The following TCOF1 variants were observed in gnomAD, a reference collection of about 807,000 sequenced individuals.
TCOF1 encodes the protein treacle protein.
A neutral mutation model predicts 149.0 loss-of-function variants in TCOF1; 33 were observed. That is an observed-to-expected ratio of 0.22 (90% CI 0.17 to 0.30). TCOF1 has a LOEUF of 0.30. TCOF1 is among the 10% of genes least tolerant of loss of function. The pLI is 1.00. For missense variants in TCOF1, 1,728 were observed against 1,840.7 expected, an observed-to-expected ratio of 0.94 and a Z score of 1.12; for synonymous variants, 789 against 738.8, an observed-to-expected ratio of 1.07 and a Z score of -1.10.
At position 150,379,309 on chromosome 5, in the gene TCOF1, C is replaced by G; in HGVS notation, c.2559C>G (p.Ala853=). ...CATCTGTGCCATCTGTGGGGAAGGC[C>G]GTGGCTACAGCAGCTCAGGCCCAGA... is the stretch of plus-strand genomic sequence containing the variant. ...GPASVPSVGK[A]VATAAQAQTG... is the part of the protein sequence containing the mutation. Residue 853 remains alanine (A), a synonymous_variant, in exon 16 of 27, where the codon GCC becomes GCG. Transcript: ENST00000643257. 1.9e-6 allele frequency: 3 copies of G among 1,614,194 alleles called. No homozygotes were observed. Among genetic ancestry groups the G allele is most frequent in the Non-Finnish European group, 2.5e-6 (3 of 1,180,046 alleles).
chr5:150,384,472 ACT>A (rs1400179943), intron 17 of TCOF1: 2 of 984,556 alleles, frequency 2.0e-6, no homozygotes, highest in Non-Finnish European at 2.4e-6. Flanking sequence ...CTGCCCCGAC[ACT>A]CTCCTCTCCT....
rs1257025013 is a variant in TCOF1 at position 150,374,268 on chromosome 5, A to G, written c.965A>G (p.Lys322Arg). 2 of 1,604,544 alleles carry G rather than the reference A, an allele frequency of 1.2e-6. No individual in the cohort carries two copies. The highest frequency in any genetic ancestry group is 8.5e-7 in the Non-Finnish European group (1 of 1,175,280). Reference sequence around the variant, plus strand: ...GGGGCTACCCCAGCACCCCCTGGGAAGGCAGGGGCTGTAGCCTCCCAGACC... The same window carrying G: ...GGGGCTACCCCAGCACCCCCTGGGAGGGCAGGGGCTGTAGCCTCCCAGACC... ...GKGATPAPPGKAGAVASQTKA... is the reference protein window; with the variant it reads ...GKGATPAPPGRAGAVASQTKA... The change falls in exon 8 of 27, where the codon AAG becomes AGG. Residue 322 changes from lysine to arginine, a missense_variant. Lys to Arg is a conservative substitution (Grantham distance 26). Coordinates refer to ENST00000643257, the MANE Select transcript of TCOF1 (RefSeq NM_001371623.1).
intron 4 of TCOF1, 72 bp from the exon 5 acceptor site, chr5:150,368,644 C>T (rs372945305): frequency 6.4e-7 from 1 of 1,566,322 alleles, no homozygotes. Flanking sequence ...AGATTGGGTT[C>T]AGATGCAAGT....
intron 15 of TCOF1, 50 bp downstream of exon 15, chr5:150,379,092 G>A: frequency 1.2e-6 from 2 of 1,613,842 alleles, no homozygotes; most frequent in Non-Finnish European, 1.7e-6. Flanking sequence ...GGGTAGAGAG[G>A]AGGACCAGTC....
chr5:150,384,180 C>G, intron 17 of TCOF1: 1 of 1,026,422 alleles, frequency 9.7e-7, no homozygotes, highest in South Asian at 4.3e-5. Flanking sequence ...TTGCACACCT[C>G]CAGCAATAGG....
chr5:150,360,327 C>T (rs534984444), intron 1 of TCOF1, among the ~76,000 whole-genome samples: 108 of 152,346 alleles, frequency 7.1e-4, no homozygotes, highest in Middle Eastern at 3.4e-3. Flanking sequence ...GGCCTCTGCT[C>T]CAAAGGCCTG....
rs1188694708 is a variant in TCOF1, at chr5:150,361,181, C to A, written c.134C>A (p.Thr45Asn). ...AAGTGTTTCCTGGCTCAGCCCGTAACCCTTCTGGACATCTATACACACTGG... is the reference window on the plus strand; with the variant it reads ...AAGTGTTTCCTGGCTCAGCCCGTAAACCTTCTGGACATCTATACACACTGG... ...GQKCFLAQPV[T>N]LLDIYTHWQQ... Residue 45 changes from threonine (T) to asparagine (N), a missense_variant, in exon 2 of 27, where the codon ACC (threonine) becomes AAC (asparagine). Coordinates refer to ENST00000643257, the MANE Select transcript of TCOF1 (RefSeq NM_001371623.1). The A allele has an allele frequency of 1.1e-5, 18 of 1,614,048 alleles. No homozygotes were observed. Among genetic ancestry groups the A allele is most frequent in the Non-Finnish European group, 1.5e-5 (18 of 1,180,028 alleles).
rs757466051 is a variant in TCOF1, at chr5:150,396,400, G to A, written c.3903G>A (p.Leu1301=). The change falls in exon 24 of 27, where the codon CTG becomes CTA. Residue 1301 remains leucine (L), a synonymous_variant. Coordinates refer to ENST00000643257, the MANE Select transcript of TCOF1 (RefSeq NM_001371623.1). ...ALQSNITQCL[L]GQPWPLNEAQ... ...AAAGCAACATCACCCAGTGCCTCCTGGGCCAACCCTGGCCCCTGAATGAGG... is the reference window on the plus strand; with the variant it reads ...AAAGCAACATCACCCAGTGCCTCCTAGGCCAACCCTGGCCCCTGAATGAGG... 4 of 1,614,026 alleles carry A rather than the reference G, an allele frequency of 2.5e-6. No homozygotes were observed. The highest frequency in any genetic ancestry group is 1.1e-5 in the South Asian group (1 of 91,086).
chr5:150,392,906 C>CCTT, intron 22 of TCOF1, 116 bp downstream of exon 22: 1 of 1,291,546 alleles, frequency 7.7e-7, no homozygotes, highest in Non-Finnish European at 1.1e-6. Context: ...TTCACAGAGG[C>CCTT]CTTGGGCAAG....
chr5:150,380,180 C>T (rs892013596), intron 17 of TCOF1: 10 of 212,608 alleles, frequency 4.7e-5, no homozygotes, highest in Non-Finnish European at 9.7e-5. Context: ...TCCACCATGC[C>T]CTCCTCCGTC....
Position 150,396,605 on chromosome 5 carries a change from G to A in TCOF1, c.4108G>A (p.Ala1370Thr). ...GAGCAAGAAGAAGAAGAAGCTGGGG[G>A]CCGGGGAAGGTGGGGAGGCCTCTGT... The part of the protein sequence containing the change: ...PRSKKKKKLG[A>T]GEGGEASVSP... Residue 1370 changes from alanine to threonine, a missense_variant, in exon 24 of 27, where the codon GCC becomes ACC. Ala to Thr is a moderately conservative substitution (Grantham distance 58). Transcript: ENST00000643257. 6.3e-7 allele frequency: 1 copy of A among 1,586,348 alleles called. No homozygotes were observed. Among genetic ancestry groups the A allele is most frequent in the South Asian group, 1.1e-5 (1 of 88,292 alleles).
chr5:150,380,999 G>A (rs1319878665), intron 17 of TCOF1: 1 of 152,214 alleles, frequency 6.6e-6, no homozygotes, highest in African/African-American at 2.4e-5. Context: ...GGGCAACAGA[G>A]TGAGACTCTG....
intron 18 of TCOF1, among the ~76,000 whole-genome samples, chr5:150,389,346 A>G (rs114387866): frequency 0.02 from 3,061 of 152,230 alleles, 101 homozygotes; most frequent in African/African-American, 0.07. Context: ...GGTTTTTTTC[A>G]TCTTTACATA....
intron 7 of TCOF1, 103 bp from the exon 8 acceptor site, chr5:150,374,071 G>A (rs930693523): frequency 7.2e-6 from 9 of 1,258,166 alleles, no homozygotes; most frequent in Admixed American, 2.0e-5. Context: ...GGGAAGCAGG[G>A]GAGGTCTTAG....
chr5:150,379,837 C>A, intron 17 of TCOF1, 105 bp downstream of exon 17: 1 of 1,398,092 alleles, frequency 7.2e-7, no homozygotes. Context: ...TTTGGGAGGC[C>A]GAGGCAGATG....
intron 17 of TCOF1, among the ~76,000 whole-genome samples, chr5:150,385,819 GT>G (rs1011616720): frequency 6.6e-6 from 1 of 152,146 alleles, no homozygotes; most frequent in Non-Finnish European, 1.5e-5. Flanking sequence ...CTATAGGGAG[GT>G]ACAACCAAAT....
chr5:150,386,266 G>A (rs1437335145), intron 17 of TCOF1, among the ~76,000 whole-genome samples: 7 of 152,160 alleles, frequency 4.6e-5, no homozygotes, highest in East Asian at 1.9e-4. Flanking sequence ...ATCCCAAGAC[G>A]CTATTGTTTG....
At position 150,396,774 on chromosome 5, in the gene TCOF1, T is replaced by TGGGGAC; in HGVS notation, c.4280_4285dup (p.Gly1427_Thr1428dup). The TGGGGAC allele has an allele frequency of 6.2e-7, 1 of 1,611,628 alleles. No individual in the cohort carries two copies. The highest frequency in any genetic ancestry group is 8.5e-7 in the Non-Finnish European group (1 of 1,179,364). ...CCAGAAGAGGAGCTTCAGAAGGGGA[T>TGGGGAC]GGGGACGGTTGAAGGTGGAGATCAA... On this transcript the variant is annotated inframe_insertion, in exon 24 of 27. Transcript: ENST00000643257.
chr5:150,372,370 A>G, intron 7 of TCOF1, 134 bp downstream of exon 7: 1 of 769,160 alleles, frequency 1.3e-6, no homozygotes, highest in East Asian at 2.7e-5. Context: ...GAGCAAGAAC[A>G]GCCTGCTTCC....
Sources: allele counts gnomAD v4.1 joint callset (sites outside exome capture counted in the v4.1 genomes callset), GRCh38; gene constraint gnomAD v4.1.1; transcripts MANE v1.5; gene names NCBI Gene and HGNC (gene_info 2026-07-23, HGNC 2026-07-21).